PHKB: variants seen among roughly 807,000 people sequenced by gnomAD.
The protein encoded by PHKB is phosphorylase b kinase regulatory subunit beta.
Under a neutral mutation model 152.1 loss-of-function variants are expected in PHKB, and 122 were observed. That is an observed-to-expected ratio of 0.80 (90% CI 0.69 to 0.93). The LOEUF (loss-of-function observed/expected upper bound fraction) is 0.93, where lower values mean the gene tolerates loss of function less well. PHKB is among the 40% of genes least tolerant of loss of function. The pLI, the probability that PHKB is intolerant of heterozygous loss-of-function variation, is 0.00. For synonymous variants in PHKB, 436 were observed against 464.9 expected (o/e 0.94, Z 0.80); for missense variants, 1,304 against 1,328.4 (o/e 0.98, Z 0.29).
chr16:47,517,363 C>T (rs911508041), intron 6 of PHKB, among the ~76,000 whole-genome samples: 9 of 151,038 alleles, frequency 6.0e-5, no homozygotes, highest in Admixed American at 1.3e-4. Flanking sequence ...TCAGGTGATT[C>T]TCCCACCTCA....
chr16:47,536,808 G>GA (rs964019262), intron 6 of PHKB, among the ~76,000 whole-genome samples: 15 of 151,794 alleles, frequency 9.9e-5, no homozygotes, highest in African/African-American at 1.7e-4. Context: ...TTAGAGGTGA[G>GA]AAAAAAAACA....
chr16:47,463,902 A>C, intron 1 of PHKB: 1 of 1,613,188 alleles, frequency 6.2e-7, no homozygotes, highest in Non-Finnish European at 8.5e-7. Context: ...GCTATAGCTT[A>C]GCCTGCGACG....
intron 26 of PHKB, among the ~76,000 whole-genome samples, chr16:47,685,782 C>T (rs1973954339): frequency 6.7e-6 from 1 of 149,112 alleles, no homozygotes; most frequent in Non-Finnish European, 1.5e-5. Context: ...CACTCTGTTG[C>T]CCAGGCTGGA....
chr16:47,620,567 G>A (rs1972599234), intron 14 of PHKB, among the ~76,000 whole-genome samples: 8 of 152,190 alleles, frequency 5.3e-5, no homozygotes, highest in Admixed American at 5.2e-4. Context: ...TATAGGTAAT[G>A]CAGATGCTGG....
intron 10 of PHKB, among the ~76,000 whole-genome samples, chr16:47,591,198 T>A (rs1198873693): frequency 6.6e-6 from 1 of 152,182 alleles, no homozygotes; most frequent in Admixed American, 6.5e-5. Flanking sequence ...TTAAGCACAT[T>A]GATGTTTATC....
intron 7 of PHKB, among the ~76,000 whole-genome samples, chr16:47,548,667 T>C (rs1403453492): frequency 2.0e-5 from 3 of 151,388 alleles, no homozygotes; most frequent in East Asian, 1.9e-4. Flanking sequence ...CAAAGTGTTC[T>C]CTATTTTATG....
chr16:47,647,314 G>C (rs142749894), intron 16 of PHKB, among the ~76,000 whole-genome samples: 2 of 151,930 alleles, frequency 1.3e-5, no homozygotes, highest in Non-Finnish European at 2.9e-5. Context: ...AGTAGAGACC[G>C]GGTTTCACCA....
chr16:47,566,959 G>A (rs974047707), intron 7 of PHKB: 42 of 527,766 alleles, frequency 8.0e-5, no homozygotes, highest in Non-Finnish European at 1.3e-4. Flanking sequence ...GAGAGGCTTT[G>A]TGTGTCTATT....
At chr16:47,598,868 T>G in intron 13 of PHKB, 2 of 1,605,166 alleles carry the variant, frequency 1.2e-6, no homozygotes, top group Non-Finnish European at 1.7e-6. Flanking sequence ...TCTGTATACT[T>G]TCTATATGCT....
chr16:47,557,361 A>C lies in PHKB; in HGVS notation c.710+9813A>C, dbSNP rs201450182. 1.5e-4 allele frequency among the ~76,000 whole-genome samples: 23 copies of C among 152,368 alleles called. No homozygotes were observed. In the East Asian group the frequency reaches 4.2e-3, roughly 28 times the overall value. On this transcript the variant is annotated intron_variant, in intron 7 of 30. Coordinates refer to ENST00000323584, the MANE Select transcript of PHKB (RefSeq NM_000293.3). ...GTCTAAAACACCAAAAGCAATGGCA[A>C]CAAAAGCCAAAATTGACAAATGGGA...
intron 26 of PHKB, among the ~76,000 whole-genome samples, chr16:47,679,066 A>G (rs1293989889): frequency 1.3e-5 from 2 of 152,154 alleles, no homozygotes; most frequent in Non-Finnish European, 2.9e-5. Flanking sequence ...GGTTTGTCAA[A>G]GATCAGATGG....
At chr16:47,685,671 T>G (rs563482619) in intron 26 of PHKB, among the ~76,000 whole-genome samples, 2 of 152,180 alleles carry the variant, frequency 1.3e-5, no homozygotes, top group Non-Finnish European at 2.9e-5. Context: ...TGTTTTTATT[T>G]GAAGAATTCC....
intron 1 of PHKB, among the ~76,000 whole-genome samples, chr16:47,475,101 G>C (rs1969846645): frequency 6.6e-6 from 1 of 152,068 alleles, no homozygotes; most frequent in African/African-American, 2.4e-5. Flanking sequence ...ACTTTTAATG[G>C]CTTCTGATTT....
At chr16:47,665,429 T>TA (rs1597162139) in intron 25 of PHKB, 1 of 222,916 alleles carries the variant, frequency 4.5e-6, no homozygotes, top group African/African-American at 2.4e-5. Flanking sequence ...GCTTTATCAG[T>TA]AAAAAGAAAT....
At chr16:47,483,129 C>T (rs1969993740) in intron 1 of PHKB, among the ~76,000 whole-genome samples, 1 of 148,774 alleles carries the variant, frequency 6.7e-6, no homozygotes, top group Non-Finnish European at 1.5e-5. Context: ...ACCTCCACCT[C>T]CTGGGTTCAA....
At chr16:47,562,544 A>G (rs1971494042) in intron 7 of PHKB, 1 of 152,240 alleles carries the variant, frequency 6.6e-6, no homozygotes, top group Non-Finnish European at 1.5e-5. Context: ...GTGGGTGTCC[A>G]TCTTGGAAAA....
At chr16:47,523,901 G>C (rs1160315445) in intron 6 of PHKB, among the ~76,000 whole-genome samples, 1 of 152,128 alleles carries the variant, frequency 6.6e-6, no homozygotes, top group African/African-American at 2.4e-5. Context: ...TGGTGATTTG[G>C]GGGAGTTCTA....
At chr16:47,510,835 C>T (rs893361842) in intron 4 of PHKB, among the ~76,000 whole-genome samples, 1 of 152,098 alleles carries the variant, frequency 6.6e-6, no homozygotes, top group Non-Finnish European at 1.5e-5. Context: ...TCTCTTATTT[C>T]TCTTTAAAAG....
At chr16:47,558,673 C>T (rs1005172571) in intron 7 of PHKB, among the ~76,000 whole-genome samples, 1 of 152,292 alleles carries the variant, frequency 6.6e-6, no homozygotes, top group East Asian at 1.9e-4. Context: ...CTCAGCCTCT[C>T]TAGTAGCTGG....
Sources: gnomAD v4.1 joint callset for allele counts (sites outside exome capture counted in the v4.1 genomes callset) on GRCh38, gnomAD v4.1.1 for gene constraint, MANE v1.5 for transcripts, NCBI Gene and HGNC (gene_info 2026-07-23, HGNC 2026-07-21) for gene names.